The following NUP133 variants were observed in gnomAD, a reference collection of about 807,000 sequenced individuals.
NUP133 encodes nucleoporin 133.
Under a neutral mutation model 146.2 loss-of-function variants are expected in NUP133, and 66 were observed. That is an observed-to-expected ratio of 0.45 (90% CI 0.37 to 0.55). The LOEUF (loss-of-function observed/expected upper bound fraction) is 0.55. Among genes scored for constraint, NUP133 ranks in the 20% least tolerant of loss-of-function variants. NUP133 has a pLI of 0.00. For missense variants in NUP133, 1,277 were observed against 1,374.8 expected, an observed-to-expected ratio of 0.93 and a Z score of 1.12; for synonymous variants, 521 against 498.8, an observed-to-expected ratio of 1.04 and a Z score of -0.59.
chr1:229,493,543 G>C (rs1661575875), intron 8 of NUP133, among the ~76,000 whole-genome samples: 1 of 152,180 alleles, frequency 6.6e-6, no homozygotes, highest in African/African-American at 2.4e-5. Flanking sequence ...CAGTAGGTGT[G>C]AATGACTATA....
Position 229,444,986 on chromosome 1 carries a change from C to A in NUP133, c.3262G>T (p.Gly1088Cys). Residue 1088 changes from glycine (G) to cysteine (C), a missense_variant, in exon 25 of 26, where the codon GGC (glycine) becomes TGC (cysteine). Coordinates refer to ENST00000261396, the MANE Select transcript of NUP133 (RefSeq NM_018230.3). ...GATACTTCAATTGGATCATCTTTGC[C>A]ATCAGAACTGGACCAGCTAGAAAAC... ...LQRDNWSSSD[G>C]KDDPIEVSKD... 1.9e-6 allele frequency: 3 copies of A among 1,611,586 alleles called. No homozygotes were observed. Among genetic ancestry groups the A allele is most frequent in the Non-Finnish European group, 2.5e-6 (3 of 1,178,502 alleles).
chr1:229,469,152 T>C (rs1196333117), intron 15 of NUP133, among the ~76,000 whole-genome samples: 3 of 152,216 alleles, frequency 2.0e-5, no homozygotes, highest in Admixed American at 1.3e-4. Context: ...GCATAAGGAA[T>C]TCCAAATTTC....
At chr1:229,486,020 G>C (rs1661338777) in intron 11 of NUP133, among the ~76,000 whole-genome samples, 1 of 152,110 alleles carries the variant, frequency 6.6e-6, no homozygotes, top group African/African-American at 2.4e-5. Flanking sequence ...AAATTAGCCA[G>C]GTGAGATGGC....
chr1:229,495,776 A>C (rs897174631), intron 7 of NUP133, 116 bp downstream of exon 7: 54 of 989,644 alleles, frequency 5.5e-5, no homozygotes, highest in Non-Finnish European at 1.2e-5. Flanking sequence ...TGATAACCAT[A>C]CACTATGTTG....
intron 20 of NUP133, among the ~76,000 whole-genome samples, chr1:229,459,026 G>C (rs776310746): frequency 8.5e-5 from 13 of 152,082 alleles, no homozygotes; most frequent in Non-Finnish European, 1.9e-4. Context: ...GTATACTAAT[G>C]AATTATAATT....
In NUP133 at chr1:229,441,174, T is replaced by C; in HGVS notation, c.*730A>G. ...CTAGCTAGGCAGACTGTGGTAAAGA[T>C]TCATGAGTCATTCTGAAAATACATG... On this transcript the variant is annotated 3_prime_UTR_variant, in exon 26 of 26. Coordinates refer to ENST00000261396, the MANE Select transcript of NUP133 (RefSeq NM_018230.3). 1 of 336,526 alleles carries C rather than the reference T, an allele frequency of 3.0e-6. No homozygotes were observed. The allele number at this position is 336,526 out of a possible 1,614,324, so 20.8% of individuals were successfully genotyped here.
intron 8 of NUP133, among the ~76,000 whole-genome samples, chr1:229,490,412 A>C (rs572069455): frequency 7.9e-5 from 12 of 152,256 alleles, no homozygotes; most frequent in Admixed American, 6.5e-4. Context: ...AAAAAAAAAA[A>C]AAAAAAATAC....
chr1:229,499,669 A>C lies in NUP133; in HGVS notation c.648+15T>G, dbSNP rs1661747607. 1.9e-6 allele frequency: 3 copies of C among 1,593,554 alleles called. No individual in the cohort carries two copies. The Admixed American group carries it at 5.5e-5, about 29-fold the overall frequency. Reference sequence around the variant, plus strand: ...ACAGCTTTCCAATAAATATAAAGGAATATCCGTGGTATACCTGCACTGCTG... The same window carrying C: ...ACAGCTTTCCAATAAATATAAAGGACTATCCGTGGTATACCTGCACTGCTG... On this transcript the variant is annotated intron_variant, in intron 5 of 25. Transcript: ENST00000261396.
chr1:229,476,777 A>G (rs1407499162), intron 13 of NUP133, among the ~76,000 whole-genome samples: 1 of 152,036 alleles, frequency 6.6e-6, no homozygotes, highest in Non-Finnish European at 1.5e-5. Context: ...TACAAAAATT[A>G]GCTGGGCATG....
At chr1:229,498,873 GATTTT>G (rs1397374942) in intron 5 of NUP133, among the ~76,000 whole-genome samples, 1 of 151,644 alleles carries the variant, frequency 6.6e-6, no homozygotes, top group Non-Finnish European at 1.5e-5. Context: ...TAGGTTATCA[GATTTT>G]ATTTATTTAT....
intron 12 of NUP133, among the ~76,000 whole-genome samples, chr1:229,480,906 G>C (rs183880818): frequency 2.0e-5 from 3 of 150,726 alleles, no homozygotes; most frequent in East Asian, 3.9e-4. Context: ...TGTTGGTCAG[G>C]CTGGTCTCGA....
intron 19 of NUP133, among the ~76,000 whole-genome samples, chr1:229,461,636 G>C (rs1365981483): frequency 6.6e-6 from 1 of 152,026 alleles, no homozygotes; most frequent in South Asian, 2.1e-4. Context: ...AAAATTACCA[G>C]ATATAGGAAG....
chr1:229,470,219 TC>T (rs1307235193), intron 15 of NUP133, among the ~76,000 whole-genome samples: 2 of 148,278 alleles, frequency 1.3e-5, no homozygotes, highest in Non-Finnish European at 3.0e-5. Flanking sequence ...GCACCTGTAA[TC>T]CCAGCTACTC....
At chr1:229,457,001 A>T (rs920857144) in intron 21 of NUP133, among the ~76,000 whole-genome samples, 3 of 151,222 alleles carry the variant, frequency 2.0e-5, no homozygotes, top group Non-Finnish European at 4.4e-5. Context: ...CTAAGTTTTA[A>T]ATTTTTTGTA....
Position 229,506,053 on chromosome 1 carries a change from T to C in NUP133, c.288A>G (p.Leu96=), listed in dbSNP as rs1246604010. The C allele has an allele frequency of 1.3e-5, 20 of 1,599,936 alleles. No homozygotes were observed. Among genetic ancestry groups the C allele is most frequent in the Non-Finnish European group, 1.7e-5 (20 of 1,167,358 alleles). ...GATGACACCTACCTTCAGCCAATGT[T>C]AGGGCTTCCATGACTTTAACAGGAA... ...SSLPVKVMEA[L]TLAEVDDQLT... is the part of the protein sequence containing the mutation. Residue 96 remains leucine (L), a synonymous_variant, in exon 2 of 26, where the codon CTA becomes CTG. Coordinates refer to ENST00000261396, the MANE Select transcript of NUP133 (RefSeq NM_018230.3).
rs1660153467 is a variant in NUP133, at chr1:229,440,357, G to A, written c.*1547C>T. 2 of 152,188 alleles carry A rather than the reference G, an allele frequency of 1.3e-5. No individual in the cohort carries two copies. The highest frequency in any genetic ancestry group is 4.8e-5 in the African/African-American group (2 of 41,442). 9.4% of individuals were successfully genotyped at this position (152,188 alleles called of 1,614,324 possible). ...CTTAGAGAGAAACAGGATTAAAAGA[G>A]GGAGCTTTTTCTTCCCTTGAACAGG... is the stretch of plus-strand genomic sequence containing the variant. On this transcript the variant is annotated 3_prime_UTR_variant, in exon 26 of 26. Coordinates refer to ENST00000261396, the MANE Select transcript of NUP133 (RefSeq NM_018230.3).
chr1:229,470,404 A>G (rs550353936), intron 15 of NUP133, among the ~76,000 whole-genome samples, 176 bp downstream of exon 15: 27 of 152,212 alleles, frequency 1.8e-4, no homozygotes, highest in Non-Finnish European at 3.4e-4. Context: ...TCTTCTTTAC[A>G]GGTAACTGAT....
At chr1:229,471,029 G>A (rs1324745871) in intron 14 of NUP133, among the ~76,000 whole-genome samples, 1 of 152,104 alleles carries the variant, frequency 6.6e-6, no homozygotes, top group African/African-American at 2.4e-5. Flanking sequence ...TAAGAACAGG[G>A]TCACTCCAGG....
intron 8 of NUP133, among the ~76,000 whole-genome samples, chr1:229,491,557 T>A (rs1256863249): frequency 6.6e-6 from 1 of 152,136 alleles, no homozygotes; most frequent in Non-Finnish European, 1.5e-5. Flanking sequence ...GGTGGGCATA[T>A]CACTTCAGGC....
Sources: gnomAD v4.1 joint callset for allele counts (sites outside exome capture counted in the v4.1 genomes callset) on GRCh38, gnomAD v4.1.1 for gene constraint, MANE v1.5 for transcripts, NCBI Gene and HGNC (gene_info 2026-07-23, HGNC 2026-07-21) for gene names.